Variants in NCR3LG1 observed in about 807,000 individuals in gnomAD.
The protein encoded by NCR3LG1 is natural cytotoxicity triggering receptor 3 ligand 1.
Under a neutral mutation model 34.8 loss-of-function variants are expected in NCR3LG1, and 35 were observed. The ratio of observed to expected loss-of-function variants is 1.01; its 90% CI spans 0.77 to 1.33. The LOEUF (loss-of-function observed/expected upper bound fraction) is 1.33, where lower values mean the gene tolerates loss of function less well. NCR3LG1 is among the 40% of genes most tolerant of loss of function. The pLI, the probability that NCR3LG1 is intolerant of heterozygous loss-of-function variation, is 0.00. For synonymous variants in NCR3LG1, 173 were observed against 163.6 expected, an observed-to-expected ratio of 1.06 and a Z score of -0.44; for missense variants, 452 against 423.3, an observed-to-expected ratio of 1.07 and a Z score of -0.60.
intron 1 of NCR3LG1, among the ~76,000 whole-genome samples, chr11:17,353,675 G>T (rs759148384): frequency 7.9e-5 from 12 of 151,976 alleles, no homozygotes; most frequent in Non-Finnish European, 1.6e-4. Context: ...AGCGGAGAGG[G>T]AGGAACGCCG....
intron 1 of NCR3LG1, among the ~76,000 whole-genome samples, chr11:17,354,543 TTC>T (rs1953182259): frequency 6.1e-5 from 7 of 114,262 alleles, no homozygotes; most frequent in Non-Finnish European, 9.9e-5. Context: ...CCAATTCTTC[TTC>T]TTTTTTTTTT....
rs1015360981 is a variant in NCR3LG1, at chr11:17,374,148, T to C, written c.*1636T>C. ...AGACTAGTTCAGGACCTCTGCCTTA[T>C]TCATGAGGCTGTGATTACGATTCAT... On this transcript the variant is annotated 3_prime_UTR_variant, in exon 5 of 5. Transcript: ENST00000338965. The C allele has an allele frequency of 6.6e-6, 1 of 152,176 alleles. No homozygotes were observed. Among genetic ancestry groups the C allele is most frequent in the African/African-American group, 2.4e-5 (1 of 41,426 alleles). 9.4% of individuals were successfully genotyped at this position (152,176 alleles called of 1,614,324 possible).
chr11:17,358,091 A>G (rs1412200515), intron 2 of NCR3LG1, among the ~76,000 whole-genome samples: 1 of 152,224 alleles, frequency 6.6e-6, no homozygotes, highest in Non-Finnish European at 1.5e-5. Context: ...GAGAGTTCTC[A>G]TATCACTCAC....
chr11:17,373,096 A>G lies in NCR3LG1; in HGVS notation c.*584A>G, dbSNP rs772341262. The G allele has an allele frequency of 3.3e-5, 5 of 152,236 alleles. No individual in the cohort carries two copies. Among genetic ancestry groups the G allele is most frequent in the Non-Finnish European group, 7.3e-5 (5 of 68,082 alleles). 9.4% of individuals were successfully genotyped at this position (152,236 alleles called of 1,614,324 possible). ...TAAATAATTCAATTGAGGGACAGCT[A>G]ATTTTGAAAGACAAGTTTATTACTC... On this transcript the variant is annotated 3_prime_UTR_variant, in exon 5 of 5. Coordinates refer to ENST00000338965, the MANE Select transcript of NCR3LG1 (RefSeq NM_001202439.3).
At chr11:17,361,908 G>A (rs1215720291) in intron 2 of NCR3LG1, among the ~76,000 whole-genome samples, 1 of 152,220 alleles carries the variant, frequency 6.6e-6, no homozygotes, top group Non-Finnish European at 1.5e-5. Context: ...GCCTCCCAAA[G>A]TGCTGGGATT....
chr11:17,353,023 C>T (rs539228484), intron 1 of NCR3LG1, among the ~76,000 whole-genome samples: 1 of 152,174 alleles, frequency 6.6e-6, no homozygotes, highest in Admixed American at 6.5e-5. Context: ...GCGCTCTGGG[C>T]GCCCCGAGTC....
chr11:17,372,828 A>C lies in NCR3LG1; in HGVS notation c.*316A>C, dbSNP rs981473896. 3.4e-6 allele frequency: 1 copy of C among 292,916 alleles called. No homozygotes were observed. The highest frequency in any genetic ancestry group is 6.4e-6 in the Non-Finnish European group (1 of 157,026). The allele number at this position is 292,916 out of a possible 1,614,324, so 18.1% of individuals were successfully genotyped here. On this transcript the variant is annotated 3_prime_UTR_variant, in exon 5 of 5. Coordinates refer to ENST00000338965, the MANE Select transcript of NCR3LG1 (RefSeq NM_001202439.3). ...TCACATACCCAATAGGAAGCGAGGCAGTGCCCCTTGAACAACATAATTCGG... is the reference window on the plus strand; with the variant it reads ...TCACATACCCAATAGGAAGCGAGGCCGTGCCCCTTGAACAACATAATTCGG...
chr11:17,369,033 G>T, intron 4 of NCR3LG1, 69 bp downstream of exon 4: 2 of 990,098 alleles, frequency 2.0e-6, no homozygotes, highest in Non-Finnish European at 3.0e-6. Context: ...AGCAGCTGCT[G>T]CCAACCTTAC....
chr11:17,372,312 C>T lies in NCR3LG1; in HGVS notation c.1165C>T (p.Leu389Phe), dbSNP rs895242859. 2 of 702,990 alleles carry T rather than the reference C, an allele frequency of 2.8e-6. No homozygotes were observed. Among genetic ancestry groups the T allele is most frequent in the Non-Finnish European group, 5.2e-6 (2 of 385,032 alleles). The allele number at this position is 702,990 out of a possible 1,614,324, so 43.5% of individuals were successfully genotyped here. ...TCAGTGTTGTAGAATTGACCCTGCTCTCCTAACAGTTACATCAGGCAAGTC... is the reference window on the plus strand; with the variant it reads ...TCAGTGTTGTAGAATTGACCCTGCTTTCCTAACAGTTACATCAGGCAAGTC... The part of the protein sequence containing the change: ...LCQCCRIDPA[L>F]LTVTSGKSID... The change falls in exon 5 of 5, where the codon CTC (leucine) becomes TTC (phenylalanine). Residue 389 changes from leucine (L) to phenylalanine (F), a missense_variant. By Grantham distance (22) the Leu-to-Phe change is conservative. Transcript: ENST00000338965.
intron 2 of NCR3LG1, among the ~76,000 whole-genome samples, chr11:17,359,977 G>A (rs1457817029): frequency 9.2e-5 from 14 of 152,018 alleles, no homozygotes; most frequent in Non-Finnish European, 2.1e-4. Context: ...GTGCAGTGGT[G>A]TGATTACAGC....
At chr11:17,365,009 T>A (rs1017165437) in intron 2 of NCR3LG1, among the ~76,000 whole-genome samples, 15 of 152,242 alleles carry the variant, frequency 9.9e-5, no homozygotes, top group Admixed American at 7.9e-4. Flanking sequence ...TTTCTGTTAG[T>A]GCTCTTAACA....
At position 17,367,102 on chromosome 11, in the gene NCR3LG1, CT is replaced by C. The variant is rs1953352783; in HGVS notation, c.516del (p.Ile173LeufsTer3). 6.5e-7 allele frequency: 1 copy of C among 1,536,184 alleles called. No individual in the cohort carries two copies. Among genetic ancestry groups the C allele is most frequent in the Non-Finnish European group, 8.7e-7 (1 of 1,146,890 alleles). On this transcript the variant is annotated frameshift_variant, in exon 3 of 5. Coordinates refer to ENST00000338965, the MANE Select transcript of NCR3LG1 (RefSeq NM_001202439.3). LOFTEE classifies it high-confidence loss of function. ...GAGTCAAGTGGGTTCTACCCAGAGGCTATTAATATAACATGGGAGAAGCAGA... is the reference window on the plus strand; with the variant it reads ...GAGTCAAGTGGGTTCTACCCAGAGGCATTAATATAACATGGGAGAAGCAGA... ...MCESSGFYPE[A>X]INITWEKQTQ...
chr11:17,380,061 C>T (rs1953505835), downstream of NCR3LG1, among the ~76,000 whole-genome samples: 1 of 152,312 alleles, frequency 6.6e-6, no homozygotes, highest in Non-Finnish European at 1.5e-5. Context: ...TGCTGGAATA[C>T]TGAACTATAT....
At chr11:17,360,774 T>C (rs1489522512) in intron 2 of NCR3LG1, among the ~76,000 whole-genome samples, 1 of 152,220 alleles carries the variant, frequency 6.6e-6, no homozygotes, top group East Asian at 1.9e-4. Flanking sequence ...TTTTTTCTTT[T>C]AATACAGGCT....
intron 2 of NCR3LG1, among the ~76,000 whole-genome samples, chr11:17,361,716 GT>G (rs2133348521): frequency 6.7e-6 from 1 of 148,882 alleles, no homozygotes; most frequent in East Asian, 1.9e-4. Context: ...GGATTTTTTT[GT>G]TTTTGTTTTT....
chr11:17,361,536 C>T (rs1217736134), intron 2 of NCR3LG1, among the ~76,000 whole-genome samples: 5 of 152,066 alleles, frequency 3.3e-5, no homozygotes, highest in South Asian at 4.1e-4. Context: ...CCACCAGCTT[C>T]GGCCTCCCAA....
rs79592429 is a variant in NCR3LG1, at chr11:17,358,260, C to T, written c.421+1259C>T. The stretch of plus-strand genomic sequence containing the variant: ...ATGTCCTTTTCCTGCTCCAGGATCC[C>T]GTCAGAATACCACATTGCATTTAAT... On this transcript the variant is annotated intron_variant, in intron 2 of 4. Transcript: ENST00000338965. Among the ~76,000 whole-genome samples the T allele has an allele frequency of 2.5e-3, 376 of 152,256 alleles. 1 individual carries two copies. Among genetic ancestry groups the T allele is most frequent in the African/African-American group, 8.7e-3 (362 of 41,544 alleles).
chr11:17,355,048 G>A (rs1166753720), intron 1 of NCR3LG1, among the ~76,000 whole-genome samples: 1 of 152,160 alleles, frequency 6.6e-6, no homozygotes, highest in African/African-American at 2.4e-5. Context: ...AACTGTCCTT[G>A]CACTTTTTGT....
intron 2 of NCR3LG1, 23 bp from the exon 3 acceptor site, chr11:17,366,986 G>C (rs1016191079): frequency 1.6e-5 from 24 of 1,516,308 alleles, no homozygotes; most frequent in Non-Finnish European, 1.9e-5. Context: ...GCCCAACTCT[G>C]TATGATTTTT....
Sources: allele counts gnomAD v4.1 joint callset (sites outside exome capture counted in the v4.1 genomes callset), GRCh38; gene constraint gnomAD v4.1.1; transcripts MANE v1.5; gene names NCBI Gene and HGNC (gene_info 2026-07-23, HGNC 2026-07-21).